OR10R2: variants seen among roughly 807,000 people sequenced by gnomAD.
OR10R2 encodes the protein olfactory receptor family 10 subfamily R member 2.
A neutral mutation model predicts 2.4 loss-of-function variants in OR10R2; 1 was observed. The ratio of observed to expected loss-of-function variants is 0.41; its 90% confidence interval spans 0.15 to 1.95. The LOEUF (loss-of-function observed/expected upper bound fraction) is 1.95. OR10R2 is among the 30% of genes most tolerant of loss of function. The probability of loss-of-function intolerance (pLI) is 0.30; values close to 1 mark genes in which losing one functional copy is unlikely to be tolerated. For missense variants in OR10R2, 419 were observed against 373.0 expected (o/e 1.12, Z -1.01); for synonymous variants, 166 against 144.8 (o/e 1.15, Z -1.05).
intron 1 of OR10R2, among the ~76,000 whole-genome samples, chr1:158,477,218 C>G (rs954380171): frequency 2.0e-5 from 3 of 152,052 alleles, no homozygotes; most frequent in African/African-American, 7.2e-5. Flanking sequence ...GTGACAAATC[C>G]ACAGCCAACA....
intron 1 of OR10R2, among the ~76,000 whole-genome samples, chr1:158,476,938 GC>G (rs2101673775): frequency 6.6e-6 from 1 of 151,890 alleles, no homozygotes; most frequent in African/African-American, 2.4e-5. Flanking sequence ...ATTGTTTTTT[GC>G]TTGATTTGTT....
intron 1 of OR10R2, 76 bp from the exon 2 acceptor site, chr1:158,479,862 A>G: frequency 6.7e-7 from 1 of 1,481,758 alleles, no homozygotes. Context: ...ACCACCTGAA[A>G]GGAACAAAGG....
intron 1 of OR10R2, among the ~76,000 whole-genome samples, chr1:158,473,391 C>T (rs866782749): frequency 5.2e-4 from 79 of 152,188 alleles, no homozygotes; most frequent in African/African-American, 1.8e-3. Context: ...ATGAGTGTTT[C>T]ACAAGGGTAA....
At chr1:158,476,258 T>A (rs10797009) in intron 1 of OR10R2, among the ~76,000 whole-genome samples, 79,410 of 151,418 alleles carry the variant, frequency 0.52, 21,013 homozygotes, top group Middle Eastern at 0.6. Context: ...TTAAAAAAAA[T>A]TTAAGTAGGC....
At chr1:158,480,118 T>C in exon 2 of OR10R2, 7 of 1,613,298 alleles carry the variant, frequency 4.3e-6, no homozygotes, top group Non-Finnish European at 5.9e-6. Context: ...ACCAATGTAC[T>C]TCTTCCTTGG....
At chr1:158,472,304 C>T (rs1391748782) in exon 1 of OR10R2, 8 of 398,850 alleles carry the variant, frequency 2.0e-5, no homozygotes, top group Non-Finnish European at 3.5e-5. Context: ...GTAGCTGATC[C>T]AGCCCATACA....
At chr1:158,475,348 G>T (rs7514555) in intron 1 of OR10R2, among the ~76,000 whole-genome samples, 84,594 of 151,778 alleles carry the variant, frequency 0.56, 23,653 homozygotes, top group Middle Eastern at 0.64. Flanking sequence ...TGTAGATATA[G>T]TTTGCTAAAT....
intron 1 of OR10R2, among the ~76,000 whole-genome samples, chr1:158,473,588 T>A (rs1656203524): frequency 6.6e-6 from 1 of 152,198 alleles, no homozygotes. Flanking sequence ...AAGACATGGC[T>A]CTTTGCATGT....
intron 1 of OR10R2, among the ~76,000 whole-genome samples, chr1:158,474,231 C>T (rs906497666): frequency 2.0e-5 from 3 of 152,020 alleles, no homozygotes; most frequent in Admixed American, 6.6e-5. Context: ...TCTCTGTGTT[C>T]GCAATGCCAT....
At chr1:158,478,215 C>T (rs983401155) in intron 1 of OR10R2, among the ~76,000 whole-genome samples, 2 of 152,046 alleles carry the variant, frequency 1.3e-5, no homozygotes, top group Non-Finnish European at 2.9e-5. Flanking sequence ...AGACGAAAAC[C>T]TGGGGAATAC....
intron 1 of OR10R2, among the ~76,000 whole-genome samples, chr1:158,476,601 T>C (rs1053737934): frequency 2.7e-5 from 4 of 150,938 alleles, no homozygotes; most frequent in African/African-American, 9.7e-5. Context: ...AAAAAATTAA[T>C]GTTTTAATTA....
chr1:158,479,847 T>G, intron 1 of OR10R2, 91 bp from the exon 2 acceptor site: 1 of 1,366,332 alleles, frequency 7.3e-7, no homozygotes, highest in Non-Finnish European at 1.0e-6. Flanking sequence ...AGATTCTTCT[T>G]TGTCACCACC....
intron 1 of OR10R2, 35 bp downstream of exon 1, chr1:158,472,387 G>A (rs1332499958): frequency 2.5e-6 from 1 of 398,910 alleles, no homozygotes; most frequent in African/African-American, 2.1e-5. Context: ...AAAATTTTAA[G>A]AGACTAGCAG....
chr1:158,473,935 C>T (rs1169103108), intron 1 of OR10R2, among the ~76,000 whole-genome samples: 2 of 149,786 alleles, frequency 1.3e-5, no homozygotes, highest in Non-Finnish European at 3.0e-5. Context: ...CTCCCTCTCC[C>T]TCCCTCCCCC....
chr1:158,478,062 G>C (rs11264977), intron 1 of OR10R2, among the ~76,000 whole-genome samples: 1 of 151,878 alleles, frequency 6.6e-6, no homozygotes, highest in African/African-American at 2.4e-5. Context: ...GAACAAGGAC[G>C]CCCTATTCAA....
chr1:158,479,984 G>A (rs1656349116), exon 2 of OR10R2: 2 of 1,613,826 alleles, frequency 1.2e-6, no homozygotes, highest in East Asian at 2.2e-5. Flanking sequence ...CTGTTGCTGG[G>A]TTTTTCCAGC....
intron 1 of OR10R2, among the ~76,000 whole-genome samples, chr1:158,476,300 C>CA (rs1263230225): frequency 3.3e-5 from 5 of 151,918 alleles, no homozygotes; most frequent in Non-Finnish European, 7.4e-5. Flanking sequence ...GTAACCCCAG[C>CA]ACTTTGGGAG....
At chr1:158,475,861 TGTATCC>T (rs1389295698) in intron 1 of OR10R2, among the ~76,000 whole-genome samples, 1 of 151,960 alleles carries the variant, frequency 6.6e-6, no homozygotes, top group Non-Finnish European at 1.5e-5. Context: ...AAATTTTGAA[TGTATCC>T]GTTGAAAATT....
chr1:158,479,220 T>C (rs991281315), intron 1 of OR10R2, among the ~76,000 whole-genome samples: 1 of 152,176 alleles, frequency 6.6e-6, no homozygotes, highest in Admixed American at 6.5e-5. Context: ...TCTGATTTCT[T>C]TTCATATAAA....
Sources: gnomAD v4.1 joint callset for allele counts (sites outside exome capture counted in the v4.1 genomes callset) on GRCh38, gnomAD v4.1.1 for gene constraint, MANE v1.5 for transcripts, NCBI Gene and HGNC (gene_info 2026-07-23, HGNC 2026-07-21) for gene names.